The following OPRM1 variants were observed in gnomAD, a reference collection of about 807,000 sequenced individuals.
OPRM1 encodes opioid receptor mu 1, also known as mu-type opioid receptor.
Under a neutral mutation model 31.8 loss-of-function variants are expected in OPRM1, and 27 were observed. The ratio of observed to expected loss-of-function variants is 0.85; its 90% confidence interval spans 0.63 to 1.17. The LOEUF is 1.17. Among genes scored for constraint, OPRM1 ranks in the 50% most tolerant of loss-of-function variants. OPRM1 has a pLI of 0.00. For synonymous variants in OPRM1, 196 were observed against 189.9 expected (o/e 1.03, Z -0.26); for missense variants, 536 against 511.1 (o/e 1.05, Z -0.47).
At chr6:154,071,075 G>T (rs570582819) in intron 1 of OPRM1, among the ~76,000 whole-genome samples, 2 of 152,126 alleles carry the variant, frequency 1.3e-5, no homozygotes, top group African/African-American at 4.8e-5. Flanking sequence ...TGAGCAAGCA[G>T]GTCTTCACTT....
At chr6:154,219,618 G>A (rs897296885) in intron 3 of OPRM1, among the ~76,000 whole-genome samples, 1 of 151,824 alleles carries the variant, frequency 6.6e-6, no homozygotes, top group African/African-American at 2.4e-5. Flanking sequence ...TAACCAACAG[G>A]ATTTAGCAAC....
intron 1 of OPRM1, among the ~76,000 whole-genome samples, chr6:154,064,894 TTAAAG>T (rs1785072701): frequency 6.6e-6 from 1 of 152,160 alleles, no homozygotes. Flanking sequence ...TACCATTACT[TTAAAG>T]TAAGTTTTGA....
chr6:154,024,538 A>C (rs1488477870), intron 1 of OPRM1, among the ~76,000 whole-genome samples: 3 of 149,608 alleles, frequency 2.0e-5, no homozygotes, highest in Non-Finnish European at 4.5e-5. Context: ...TTTCAGTTTC[A>C]TTTATTTCTG....
At chr6:154,020,531 G>A (rs1413093214) in intron 1 of OPRM1, among the ~76,000 whole-genome samples, 1 of 152,132 alleles carries the variant, frequency 6.6e-6, no homozygotes, top group Non-Finnish European at 1.5e-5. Context: ...ACTTACATTT[G>A]TAAAGAAGGT....
chr6:154,039,294 G>C lies in OPRM1; in HGVS notation c.-251G>C, dbSNP rs201738594. 1.3e-6 allele frequency: 2 copies of C among 1,551,196 alleles called. No individual in the cohort carries two copies. Among genetic ancestry groups the C allele is most frequent in the Non-Finnish European group, 1.7e-6 (2 of 1,146,752 alleles). ...ATGGCCCACGCTCCCCTCCTGCAGC[G>C]GTGCGGGGCAGGTGATGAGCCTCTG... On this transcript the variant is annotated 5_prime_UTR_variant, in exon 1 of 4. Coordinates refer to ENST00000330432, the MANE Select transcript of OPRM1 (RefSeq NM_000914.5).
intron 3 of OPRM1, among the ~76,000 whole-genome samples, chr6:154,140,434 G>A (rs909770002): frequency 6.6e-6 from 1 of 151,838 alleles, no homozygotes. Context: ...AGGTTCAAGC[G>A]ATTCTCCTGC....
chr6:154,156,589 GTAAATGTAAGGCATGGGTTT>G (rs776482140), intron 3 of OPRM1: 2 of 152,222 alleles, frequency 1.3e-5, no homozygotes, highest in Non-Finnish European at 2.9e-5. Context: ...AAAGTGCTGT[GTAAATGTAAGGCATGGGTTT>G]CACATTGAAA....
rs117239932 is a variant in OPRM1, at chr6:154,139,557, G to A, written c.1164+48085G>A. Among the ~76,000 whole-genome samples, 25 of 152,278 alleles carry A rather than the reference G, an allele frequency of 1.6e-4. No individual in the cohort carries two copies. In the East Asian group the frequency reaches 4.8e-3, roughly 29 times the overall value. On this transcript the variant is annotated intron_variant, in intron 3 of 3. Coordinates refer to the OPRM1 transcript ENST00000337049. ...CAATCAACAAAAACAGTGCTTTGAG[G>A]ATCTCATGTCTCTAGCATCTCAGAA...
intron 3 of OPRM1, chr6:154,212,801 G>C: frequency 6.2e-7 from 1 of 1,613,546 alleles, no homozygotes; most frequent in Non-Finnish European, 8.5e-7. Context: ...GTGAGGAGGG[G>C]GTGGTGTCTC....
At chr6:154,228,027 A>G (rs1779402553) in intron 3 of OPRM1, among the ~76,000 whole-genome samples, 1 of 152,132 alleles carries the variant, frequency 6.6e-6, no homozygotes, top group African/African-American at 2.4e-5. Flanking sequence ...ACAGAGGGCA[A>G]ATCTTGAGAG....
intron 3 of OPRM1, among the ~76,000 whole-genome samples, chr6:154,106,495 G>A (rs1174525607): frequency 6.6e-6 from 1 of 152,088 alleles, no homozygotes. Context: ...GAGTCATAGT[G>A]GCATTTTATG....
intron 3 of OPRM1, among the ~76,000 whole-genome samples, chr6:154,104,790 A>G (rs1049474070): frequency 6.6e-6 from 1 of 152,244 alleles, no homozygotes; most frequent in Non-Finnish European, 1.5e-5. Context: ...CTTTGATGGA[A>G]TGCTGTTCCA....
At chr6:154,019,921 A>G (rs1778261227) in intron 1 of OPRM1, among the ~76,000 whole-genome samples, 2 of 151,712 alleles carry the variant, frequency 1.3e-5, no homozygotes, top group South Asian at 4.2e-4. Context: ...TTTTGTAGAG[A>G]TGGGTTTTCA....
chr6:154,174,821 C>T (rs1465907657), intron 3 of OPRM1, among the ~76,000 whole-genome samples: 1 of 152,144 alleles, frequency 6.6e-6, no homozygotes, highest in Non-Finnish European at 1.5e-5. Context: ...ACCAAGCAGA[C>T]CTAACAGACA....
Position 154,094,160 on chromosome 6 carries a change from T to C in OPRM1, c.1164+2688T>C, listed in dbSNP as rs1487668916. On this transcript the variant is annotated intron_variant, in intron 3 of 3. Coordinates refer to ENST00000330432, the MANE Select transcript of OPRM1 (RefSeq NM_000914.5). ...TGTACTTTCTTTGAGGAATATATTA[T>C]ACTCTATATGTCACATTTCAAGCAC... The C allele has an allele frequency of 3.7e-6, 4 of 1,083,588 alleles. No individual in the cohort carries two copies. The Admixed American group carries it at 9.2e-5, about 25-fold the overall frequency. 67.1% of individuals were successfully genotyped at this position (1,083,588 alleles called of 1,614,324 possible).
chr6:154,068,700 T>C (rs997915553), intron 1 of OPRM1, among the ~76,000 whole-genome samples: 1 of 152,204 alleles, frequency 6.6e-6, no homozygotes, highest in South Asian at 2.1e-4. Flanking sequence ...ATATTTATTT[T>C]GTTCCCTTTG....
At chr6:154,017,169 C>T (rs1778054050) in intron 1 of OPRM1, among the ~76,000 whole-genome samples, 1 of 152,128 alleles carries the variant, frequency 6.6e-6, no homozygotes, top group Non-Finnish European at 1.5e-5. Flanking sequence ...CCCCATCTTT[C>T]TTTCCTCCCT....
chr6:154,206,620 A>G (rs1206318518), intron 3 of OPRM1, among the ~76,000 whole-genome samples: 2 of 152,226 alleles, frequency 1.3e-5, no homozygotes, highest in Non-Finnish European at 2.9e-5. Context: ...AAATCATCAA[A>G]AAAAGAAACA....
chr6:154,218,501 T>C (rs1198126210), intron 3 of OPRM1, among the ~76,000 whole-genome samples: 1 of 152,156 alleles, frequency 6.6e-6, no homozygotes, highest in Non-Finnish European at 1.5e-5. Context: ...CAAGGACTCA[T>C]CACTGCAAAC....
Sources: allele counts gnomAD v4.1 joint callset (sites outside exome capture counted in the v4.1 genomes callset), GRCh38; gene constraint gnomAD v4.1.1; transcripts MANE v1.5; gene names NCBI Gene and HGNC (gene_info 2026-07-23, HGNC 2026-07-21).